The following FCMR variants were observed in gnomAD, a reference collection of about 807,000 sequenced individuals.
FCMR encodes immunoglobulin mu Fc receptor.
FCMR carries 34 observed loss-of-function variants against 41.6 expected under a neutral mutation model. That is an observed-to-expected ratio of 0.82 (90% CI 0.62 to 1.09). FCMR has a LOEUF of 1.09. Ranked by LOEUF, FCMR falls within the 50% of genes least tolerant of loss-of-function variation. The pLI is 0.00. For synonymous variants in FCMR, 209 were observed against 211.8 expected (o/e 0.99, Z 0.12); for missense variants, 496 against 512.5 (o/e 0.97, Z 0.31).
chr1:206,915,153 C>A (rs1558004355), intron 1 of FCMR, among the ~76,000 whole-genome samples: 1 of 152,152 alleles, frequency 6.6e-6, no homozygotes, highest in Non-Finnish European at 1.5e-5. Flanking sequence ...GACAGTAAAG[C>A]AGCCGGCATC....
rs537449089 is a variant in FCMR, at chr1:206,906,709, A to C, written c.1045-1562T>G. Among the ~76,000 whole-genome samples the C allele has an allele frequency of 3.4e-4, 51 of 152,078 alleles. 1 individual carries two copies. The South Asian group carries it at 0.01, about 30-fold the overall frequency. The stretch of plus-strand genomic sequence containing the variant: ...TTTTGCCCCTAATAGTGGGAATGAG[A>C]GTTTCAAGTAGAGAGGCAGGGTCAG... On this transcript the variant is annotated intron_variant, in intron 7 of 7. Transcript: ENST00000367091.
In FCMR at chr1:206,909,746, C is replaced by G. The variant is rs1172946534; in HGVS notation, c.964G>C (p.Ala322Pro). 1 of 1,462,568 alleles carries G rather than the reference C, an allele frequency of 6.8e-7. No homozygotes were observed. Among genetic ancestry groups the G allele is most frequent in the Admixed American group, 2.7e-5 (1 of 37,176 alleles). The allele number at this position is 1,462,568 out of a possible 1,614,324, so 90.6% of individuals were successfully genotyped here. The change falls in exon 6 of 8, where the codon GCT becomes CCT. Residue 322 changes from alanine (A) to proline (P), a missense_variant. Coordinates refer to ENST00000367091, the MANE Select transcript of FCMR (RefSeq NM_005449.5). The surrounding 1 kb of genome is among the most constrained non-coding windows in gnomAD (Gnocchi z 5.0). ...NNIYSACPRR[A>P]RGADAAGTGE... ...TCACCTGCAGCGTCCGCTCCACGAG[C>G]GCGCCGCGGGCAGGCGCTGTAGATG...
At chr1:206,913,302 A>G (rs1679023839) in intron 2 of FCMR, among the ~76,000 whole-genome samples, 1 of 152,158 alleles carries the variant, frequency 6.6e-6, no homozygotes, top group African/African-American at 2.4e-5. Context: ...TGTGTGGGGA[A>G]CTCAGTGGAG....
chr1:206,904,170 T>G lies in FCMR; in HGVS notation c.*849A>C, dbSNP rs1417719498. 3 of 152,302 alleles carry G rather than the reference T, an allele frequency of 2.0e-5. No individual in the cohort carries two copies. The highest frequency in any genetic ancestry group is 2.0e-4 in the Admixed American group (3 of 15,280). The allele number at this position is 152,302 out of a possible 1,614,324, so 9.4% of individuals were successfully genotyped here. The stretch of plus-strand genomic sequence containing the variant: ...CTGCTTGCTATACATTGTCTGGAAC[T>G]GGCTAAGAAATGGGGAACATTTGTG... On this transcript the variant is annotated 3_prime_UTR_variant, in exon 8 of 8. Coordinates refer to ENST00000367091, the MANE Select transcript of FCMR (RefSeq NM_005449.5).
At chr1:206,922,278 C>G (rs291084), upstream of FCMR, among the ~76,000 whole-genome samples, 59,777 of 151,992 alleles carry the variant, frequency 0.39, 12,301 homozygotes, top group Middle Eastern at 0.52. Context: ...GATAAAAGAG[C>G]CTTATCACCA....
rs1424242294 is a variant in FCMR at position 206,911,600 on chromosome 1, C to T, written c.710+130G>A. The T allele has an allele frequency of 1.4e-5, 11 of 806,918 alleles. No individual in the cohort carries two copies. In the Admixed American group the frequency reaches 2.6e-4, roughly 19 times the overall value. The allele number at this position is 806,918 out of a possible 1,614,324, so 50.0% of individuals were successfully genotyped here. A position where few individuals can be genotyped will look rare whatever the true frequency, so the allele number is the denominator to read the frequency against. ...AACTAATGAGTTAATGAGCTATACT[C>T]ATAGGTGGTATATTTCACAGTGGCC... On this transcript the variant is annotated intron_variant, in intron 4 of 7. Transcript: ENST00000367091.
Position 206,911,914 on chromosome 1 carries a change from GA to G in FCMR, c.525del (p.His176ThrfsTer21). The G allele has an allele frequency of 6.2e-7, 1 of 1,606,334 alleles. No homozygotes were observed. The highest frequency in any genetic ancestry group is 8.5e-7 in the Non-Finnish European group (1 of 1,177,906). On this transcript the variant is annotated frameshift_variant, in exon 4 of 8. Transcript: ENST00000367091. LOFTEE classifies it high-confidence loss of function. ...ATTTGGGTGGTGGGGGAGGAGTGGT[GA>G]ACTGGAGGGACCTTGCCCCTTTGAG... is the stretch of plus-strand genomic sequence containing the variant. Reference protein sequence around the residue: ...TPAQRGKVPPVHHSSPTTQIT... With the variant: ...TPAQRGKVPPXHHSSPTTQIT...
At chr1:206,919,120 A>G (rs1679324666) in intron 1 of FCMR, among the ~76,000 whole-genome samples, 1 of 152,044 alleles carries the variant, frequency 6.6e-6, no homozygotes, top group African/African-American at 2.4e-5. Context: ...TGGTATATAC[A>G]TAGTAGATAC....
At chr1:206,905,249 T>C (rs1378970050) in intron 7 of FCMR, 102 bp from the exon 8 acceptor site, 2 of 1,353,018 alleles carry the variant, frequency 1.5e-6, no homozygotes, top group Non-Finnish European at 2.1e-6. Context: ...ACATGGCTGC[T>C]GAGTTCCAGA....
At chr1:206,920,069 T>C (rs1679367123) in intron 1 of FCMR, among the ~76,000 whole-genome samples, 1 of 152,108 alleles carries the variant, frequency 6.6e-6, no homozygotes, top group African/African-American at 2.4e-5. Context: ...ACATTGAACA[T>C]AATACAAGGC....
rs1047686194 is a variant in FCMR at position 206,918,496 on chromosome 1, G to A, written c.37+3322C>T. Among the ~76,000 whole-genome samples, 19 of 152,146 alleles carry A rather than the reference G, an allele frequency of 1.2e-4. 1 individual carries two copies. The highest frequency in any genetic ancestry group is 4.3e-4 in the African/African-American group (18 of 41,420). Reference sequence around the variant, plus strand: ...ATCTCCACGTGGACCCTACTTGAATGTGTAAGATATATGCCAAACTTAGGA... The same window carrying A: ...ATCTCCACGTGGACCCTACTTGAATATGTAAGATATATGCCAAACTTAGGA... On this transcript the variant is annotated intron_variant, in intron 1 of 7. Coordinates refer to ENST00000367091, the MANE Select transcript of FCMR (RefSeq NM_005449.5).
chr1:206,909,648 CGCGCCCCGCT>C lies in FCMR; in HGVS notation c.985+67_985+76del. ...TGTGGGAAGCCCTGGCACCTGGGAG[CGCGCCCCGCT>C]GCGCCCGGCTTTCCCGGAGCCAGCG... On this transcript the variant is annotated intron_variant, in intron 6 of 7. Transcript: ENST00000367091. This position sits in a 1 kb window ranked among gnomAD's most constrained non-coding sequence, Gnocchi z 5.0. The C allele has an allele frequency of 7.4e-7, 1 of 1,343,728 alleles. No homozygotes were observed. The highest frequency in any genetic ancestry group is 9.5e-7 in the Non-Finnish European group (1 of 1,049,856). 83.2% of individuals were successfully genotyped at this position (1,343,728 alleles called of 1,614,324 possible).
intron 1 of FCMR, among the ~76,000 whole-genome samples, chr1:206,920,226 G>A (rs1406784282): frequency 3.9e-5 from 6 of 152,028 alleles, no homozygotes; most frequent in South Asian, 2.1e-4. Context: ...AGGCCGAGGC[G>A]GGTGGATCAT....
chr1:206,919,851 T>C (rs1679357119), intron 1 of FCMR, among the ~76,000 whole-genome samples: 2 of 152,204 alleles, frequency 1.3e-5, no homozygotes, highest in South Asian at 4.1e-4. Context: ...CCAACCACCG[T>C]GCCCTCCTAT....
chr1:206,910,481 C>T (rs1678891248), intron 4 of FCMR, 141 bp from the exon 5 acceptor site: 5 of 556,766 alleles, frequency 9.0e-6, no homozygotes, highest in Non-Finnish European at 1.4e-5. Context: ...CCACTCCCCC[C>T]TCAAAAAGAC....
intron 2 of FCMR, 61 bp from the exon 3 acceptor site, chr1:206,913,103 A>C: frequency 7.6e-7 from 1 of 1,310,068 alleles, no homozygotes; most frequent in Non-Finnish European, 1.1e-6. Context: ...CTTGGGTGTA[A>C]ACTGAAGCTA....
chr1:206,921,353 C>A (rs998748281), intron 1 of FCMR: 1 of 438,248 alleles, frequency 2.3e-6, no homozygotes, highest in Admixed American at 2.4e-5. Context: ...GTAATCCCAG[C>A]GCTTTGTGAA....
chr1:206,913,339 A>G (rs1187409845), intron 2 of FCMR, among the ~76,000 whole-genome samples: 1 of 152,196 alleles, frequency 6.6e-6, no homozygotes, highest in Non-Finnish European at 1.5e-5. Context: ...GGTTCCAGAG[A>G]AATAAAGGAT....
rs189896775 is a variant in FCMR, at chr1:206,916,814, C to T, written c.38-2720G>A. 1.4e-3 allele frequency among the ~76,000 whole-genome samples: 207 copies of T among 152,292 alleles called. 5 individuals carry two copies. The highest frequency in any genetic ancestry group is 3.5e-4 in the Non-Finnish European group (24 of 68,022). On this transcript the variant is annotated intron_variant, in intron 1 of 7. Coordinates refer to ENST00000367091, the MANE Select transcript of FCMR (RefSeq NM_005449.5). ...GGCTACGATGCAGATGATCTGGTCC[C>T]GTTCTTAGGAAAGGTGATTACATCT...
Sources: allele counts gnomAD v4.1 joint callset (sites outside exome capture counted in the v4.1 genomes callset), GRCh38; gene constraint gnomAD v4.1.1; non-coding constraint Gnocchi (gnomAD v3.1); transcripts MANE v1.5; gene names NCBI Gene and HGNC (gene_info 2026-07-23, HGNC 2026-07-21).